The following ZHX2 variants were observed in gnomAD, a reference collection of about 807,000 sequenced individuals.
ZHX2 encodes zinc fingers and homeoboxes 2, also known as zinc fingers and homeoboxes protein 2.
Under a neutral mutation model 21.9 loss-of-function variants are expected in ZHX2, and 6 were observed. The observed-to-expected ratio is 0.27, with a 90% CI of 0.15 to 0.54. The LOEUF (loss-of-function observed/expected upper bound fraction) is 0.54. ZHX2 is among the 20% of genes least tolerant of loss of function. The pLI is 0.95. For missense variants in ZHX2, 908 were observed against 1,090.7 expected (o/e 0.83, Z 2.36); for synonymous variants, 434 against 437.1 (o/e 0.99, Z 0.09).
intron 2 of ZHX2, among the ~76,000 whole-genome samples, chr8:122,887,316 C>G (rs996347485): frequency 3.3e-5 from 5 of 151,560 alleles, no homozygotes; most frequent in Admixed American, 6.6e-5. Context: ...GAGTTCAAGA[C>G]CAGCCTGGCC....
chr8:122,890,824 C>T (rs1403508290), intron 2 of ZHX2, among the ~76,000 whole-genome samples: 1 of 152,128 alleles, frequency 6.6e-6, no homozygotes, highest in African/African-American at 2.4e-5. Flanking sequence ...TTCAACTTTA[C>T]TAAATTCATT....
chr8:122,938,083 G>A (rs1812751242), intron 2 of ZHX2, among the ~76,000 whole-genome samples: 1 of 151,754 alleles, frequency 6.6e-6, no homozygotes, highest in South Asian at 2.1e-4. Flanking sequence ...CTACAGGTGT[G>A]TGCCACCATG....
chr8:122,963,601 T>A (rs1465490027), intron 3 of ZHX2, among the ~76,000 whole-genome samples: 4 of 152,206 alleles, frequency 2.6e-5, no homozygotes, highest in South Asian at 4.1e-4. Context: ...CTTTTGGCTA[T>A]ACGGGCTCTT....
chr8:122,783,764 C>G (rs1463936829), intron 1 of ZHX2, among the ~76,000 whole-genome samples: 1 of 152,058 alleles, frequency 6.6e-6, no homozygotes, highest in Non-Finnish European at 1.5e-5. Context: ...ATGGGACTAC[C>G]ATAAAGGTTT....
intron 2 of ZHX2, among the ~76,000 whole-genome samples, chr8:122,879,850 G>C (rs1358237097): frequency 6.6e-6 from 1 of 152,092 alleles, no homozygotes; most frequent in Admixed American, 6.5e-5. Flanking sequence ...CTTCATGATA[G>C]TGTTGTTATG....
intron 2 of ZHX2, among the ~76,000 whole-genome samples, chr8:122,869,521 T>TG (rs1161105178): frequency 6.6e-6 from 1 of 152,042 alleles, no homozygotes; most frequent in Non-Finnish European, 1.5e-5. Flanking sequence ...GGGGACACCG[T>TG]GGGGCTGGAG....
intron 2 of ZHX2, among the ~76,000 whole-genome samples, chr8:122,869,797 G>A (rs1819387816): frequency 6.6e-6 from 1 of 152,198 alleles, no homozygotes; most frequent in Non-Finnish European, 1.5e-5. Flanking sequence ...TGTGATTCTG[G>A]ATGAGTTATC....
chr8:122,916,578 A>G (rs1056527645), intron 2 of ZHX2, among the ~76,000 whole-genome samples: 3 of 152,028 alleles, frequency 2.0e-5, no homozygotes, highest in African/African-American at 7.3e-5. Context: ...CTTTATGTGT[A>G]TGTGTACACA....
At chr8:122,927,743 G>A (rs569435562) in intron 2 of ZHX2, among the ~76,000 whole-genome samples, 1 of 152,264 alleles carries the variant, frequency 6.6e-6, no homozygotes, top group East Asian at 1.9e-4. Context: ...CTCCCGCTGG[G>A]TCCCTCCCAT....
intron 2 of ZHX2, among the ~76,000 whole-genome samples, chr8:122,932,554 CA>C (rs1201879246): frequency 3.3e-5 from 5 of 152,204 alleles, no homozygotes; most frequent in African/African-American, 1.2e-4. Flanking sequence ...CGCTTGAACC[CA>C]GGAGGCGAAG....
intron 2 of ZHX2, among the ~76,000 whole-genome samples, chr8:122,916,583 T>A (rs1820609118): frequency 6.6e-6 from 1 of 152,216 alleles, no homozygotes; most frequent in African/African-American, 2.4e-5. Context: ...TGTGTATGTG[T>A]ACACACACAC....
chr8:122,833,253 G>C (rs773790510), intron 1 of ZHX2, among the ~76,000 whole-genome samples: 22 of 152,184 alleles, frequency 1.4e-4, no homozygotes, highest in Admixed American at 5.9e-4. Context: ...TAATGAGCCT[G>C]GGGTCCTGGA....
intron 1 of ZHX2, among the ~76,000 whole-genome samples, chr8:122,860,436 A>G (rs76498069): frequency 6.6e-6 from 1 of 152,254 alleles, no homozygotes; most frequent in Admixed American, 6.5e-5. Context: ...GAAAAATTCA[A>G]AAATCACAGA....
Position 122,880,069 on chromosome 8 carries a change from T to C in ZHX2, c.-220+16530T>C, listed in dbSNP as rs567995608. Among the ~76,000 whole-genome samples the C allele has an allele frequency of 6.7e-5, 10 of 150,176 alleles. No individual in the cohort carries two copies. The East Asian group carries it at 1.8e-3, about 27-fold the overall frequency. Reference sequence around the variant, plus strand: ...CTCACTGCAACCTCCACCTCCCGGGTTCAAGTGATTCGTCTACCTCAGCCT... The same window carrying C: ...CTCACTGCAACCTCCACCTCCCGGGCTCAAGTGATTCGTCTACCTCAGCCT... On this transcript the variant is annotated intron_variant, in intron 2 of 3. Transcript: ENST00000314393.
intron 1 of ZHX2, among the ~76,000 whole-genome samples, chr8:122,852,654 T>C (rs1049515261): frequency 6.6e-6 from 1 of 152,100 alleles, no homozygotes; most frequent in Admixed American, 6.5e-5. Flanking sequence ...AAAAAATCCA[T>C]GCTTTTGAGA....
At chr8:122,961,600 G>A (rs113593397) in intron 3 of ZHX2, among the ~76,000 whole-genome samples, 9,331 of 152,252 alleles carry the variant, frequency 0.061, 396 homozygotes, top group South Asian at 0.14. Context: ...GGCGGAAGGC[G>A]AAGGGGAAGC....
At chr8:122,954,226 G>T (rs1000516338) in intron 3 of ZHX2, among the ~76,000 whole-genome samples, 198 bp downstream of exon 3, 2 of 152,192 alleles carry the variant, frequency 1.3e-5, no homozygotes, top group Non-Finnish European at 2.9e-5. Context: ...TAGTGGGATG[G>T]CTCAGTTAAG....
chr8:122,810,735 T>C (rs1817909684), intron 1 of ZHX2, among the ~76,000 whole-genome samples: 1 of 151,662 alleles, frequency 6.6e-6, no homozygotes, highest in African/African-American at 2.4e-5. Context: ...CCCATCAAAA[T>C]GGGCACTCCA....
chr8:122,830,242 T>C (rs1448836317), intron 1 of ZHX2, among the ~76,000 whole-genome samples: 1 of 152,214 alleles, frequency 6.6e-6, no homozygotes. Context: ...CCTAGTCTGA[T>C]GTAACTGCTA....
Sources: allele counts gnomAD v4.1 joint callset (sites outside exome capture counted in the v4.1 genomes callset), GRCh38; gene constraint gnomAD v4.1.1; transcripts MANE v1.5; gene names NCBI Gene and HGNC (gene_info 2026-07-23, HGNC 2026-07-21).